PHF11: variants seen among roughly 807,000 people sequenced by gnomAD.
PHF11 encodes the protein PHD finger protein 11, also known as BRCA1 C-terminus-associated protein.
Under a neutral mutation model 40.5 loss-of-function variants are expected in PHF11, and 38 were observed. The observed-to-expected ratio is 0.94, with a 90% confidence interval of 0.72 to 1.23. The LOEUF is 1.23. Ranked by LOEUF, PHF11 falls within the 50% of genes most tolerant of loss-of-function variation. The pLI is 0.00. For missense variants in PHF11, 369 were observed against 392.4 expected (o/e 0.94, Z 0.50); for synonymous variants, 127 against 138.2 (o/e 0.92, Z 0.57).
At chr13:49,516,860 C>T (rs1959162521) in intron 3 of PHF11, among the ~76,000 whole-genome samples, 1 of 152,184 alleles carries the variant, frequency 6.6e-6, no homozygotes, top group Non-Finnish European at 1.5e-5. Context: ...ACTAGGATTA[C>T]AGGCATGGGC....
chr13:49,508,139 A>G (rs974599146), intron 2 of PHF11, among the ~76,000 whole-genome samples: 1 of 142,364 alleles, frequency 7.0e-6, no homozygotes, highest in Non-Finnish European at 1.5e-5. Context: ...AATGGATGGG[A>G]AAAAGATGCA....
chr13:49,504,686 G>A (rs1457776631), intron 1 of PHF11, among the ~76,000 whole-genome samples: 48 of 142,294 alleles, frequency 3.4e-4, no homozygotes, highest in Non-Finnish European at 4.4e-4. Flanking sequence ...GAGCCCCTCT[G>A]CCCGGCCACC....
In PHF11 at chr13:49,526,439, A is replaced by G. The variant is rs1357893729; in HGVS notation, c.822A>G (p.Thr274=). ...ALFDCRLFED[T]FVNFQAAIEK... ...TTGACTGTAGATTGTTCGAAGACAC[A>G]TTTGTAAATTTTCAAGCAGGTATAT... is the stretch of plus-strand genomic sequence containing the variant. Residue 274 remains threonine, a synonymous_variant, in exon 9 of 10, where the codon ACA becomes ACG. Transcript: ENST00000378319. 2 of 1,604,198 alleles carry G rather than the reference A, an allele frequency of 1.2e-6. No homozygotes were observed. Among genetic ancestry groups the G allele is most frequent in the Non-Finnish European group, 1.7e-6 (2 of 1,171,102 alleles).
At chr13:49,501,004 T>TTG (rs796791785) in intron 1 of PHF11, among the ~76,000 whole-genome samples, 2 of 121,470 alleles carry the variant, frequency 1.6e-5, no homozygotes, top group East Asian at 5.1e-4. Flanking sequence ...ACTTTTGTTT[T>TTG]TTTTTTTTTT....
At chr13:49,521,105 T>C (rs770195787) in intron 5 of PHF11, 165 bp downstream of exon 5, 1 of 1,316,010 alleles carries the variant, frequency 7.6e-7, no homozygotes, top group Non-Finnish European at 9.7e-7. Flanking sequence ...CTATGTGATA[T>C]GACTGACTAA....
intron 6 of PHF11, 52 bp from the exon 7 acceptor site, chr13:49,523,123 A>G: frequency 8.2e-7 from 1 of 1,215,878 alleles, no homozygotes; most frequent in Non-Finnish European, 1.2e-6. Context: ...ACTGGTTTTC[A>G]TTTTATGCAA....
chr13:49,520,312 G>T, intron 4 of PHF11, among the ~76,000 whole-genome samples: 1 of 152,186 alleles, frequency 6.6e-6, no homozygotes, highest in Non-Finnish European at 1.5e-5. Flanking sequence ...CTCCCAAAAT[G>T]CTGGGATTAC....
intron 2 of PHF11, among the ~76,000 whole-genome samples, chr13:49,511,823 C>G (rs1223346260): frequency 6.6e-6 from 1 of 152,150 alleles, no homozygotes; most frequent in Non-Finnish European, 1.5e-5. Context: ...TAAAAAGTCT[C>G]TAGATTTACC....
At chr13:49,497,226 C>G (rs1012827085) in intron 1 of PHF11, 1 of 1,281,886 alleles carries the variant, frequency 7.8e-7, no homozygotes, top group East Asian at 5.6e-5. Context: ...AGGTAAGTCA[C>G]GGGAGATGCG....
chr13:49,510,215 G>A (rs1178139586), intron 2 of PHF11, among the ~76,000 whole-genome samples: 2 of 151,990 alleles, frequency 1.3e-5, no homozygotes, highest in Non-Finnish European at 2.9e-5. Context: ...TTGTAGAGAT[G>A]GGGTTTTGCC....
intron 2 of PHF11, among the ~76,000 whole-genome samples, chr13:49,507,899 C>T (rs1959027215): frequency 6.6e-6 from 1 of 152,136 alleles, no homozygotes; most frequent in Non-Finnish European, 1.5e-5. Context: ...AACCAATCCC[C>T]TGCAGACACT....
At chr13:49,496,313 A>C in intron 1 of PHF11, 1 of 864,740 alleles carries the variant, frequency 1.2e-6, no homozygotes, top group Non-Finnish European at 1.5e-6. Context: ...GGCCCAGGCC[A>C]GTTCCACAGG....
chr13:49,521,011 T>G, intron 5 of PHF11, 71 bp downstream of exon 5: 1 of 1,482,302 alleles, frequency 6.7e-7, no homozygotes, highest in Non-Finnish European at 9.1e-7. Flanking sequence ...AGGAATAGTC[T>G]AATTTTCTAG....
chr13:49,496,550 G>A, intron 1 of PHF11: 1 of 655,132 alleles, frequency 1.5e-6, no homozygotes, highest in South Asian at 6.8e-5. Context: ...ACTGGAACCC[G>A]TCTCCCCTTC....
chr13:49,513,125 G>A lies in PHF11; in HGVS notation c.283G>A (p.Val95Met), dbSNP rs771570852. Reference protein sequence around the residue: ...DPLNPDRSFDVESVKKEIQRG... With the variant: ...DPLNPDRSFDMESVKKEIQRG... Reference sequence around the variant, plus strand: ...ACTTAATCCTGATAGAAGTTTTGATGTGGAATCAGTAAAGAAAGAAATCCA... The same window carrying A: ...ACTTAATCCTGATAGAAGTTTTGATATGGAATCAGTAAAGAAAGAAATCCA... Residue 95 changes from valine (V) to methionine (M), a missense_variant, in exon 3 of 10, where the codon GTG (valine) becomes ATG (methionine). Coordinates refer to ENST00000378319, the MANE Select transcript of PHF11 (RefSeq NM_001040443.3). 3.8e-6 allele frequency: 6 copies of A among 1,595,344 alleles called. No homozygotes were observed. The highest frequency in any genetic ancestry group is 3.3e-5 in the South Asian group (3 of 90,674).
intron 6 of PHF11, among the ~76,000 whole-genome samples, chr13:49,522,634 T>C (rs1028409756): frequency 6.6e-6 from 1 of 152,152 alleles, no homozygotes; most frequent in African/African-American, 2.4e-5. Flanking sequence ...ATAAGCTAAA[T>C]TCATATGCGC....
intron 9 of PHF11, among the ~76,000 whole-genome samples, chr13:49,527,618 T>A (rs1959362968): frequency 6.6e-6 from 1 of 152,218 alleles, no homozygotes; most frequent in South Asian, 2.1e-4. Flanking sequence ...TGCTAATATA[T>A]AGCAGTATCC....
At chr13:49,503,984 G>A (rs1302157336) in intron 1 of PHF11, among the ~76,000 whole-genome samples, 16 of 152,026 alleles carry the variant, frequency 1.1e-4, no homozygotes, top group African/African-American at 3.4e-4. Flanking sequence ...TCAGCCTCCC[G>A]AAGTTCTGGG....
Position 49,520,923 on chromosome 13 carries a change from C to T in PHF11, c.488C>T (p.Pro163Leu), listed in dbSNP as rs796883405. 8 of 1,581,834 alleles carry T rather than the reference C, an allele frequency of 5.1e-6. No homozygotes were observed. The highest frequency in any genetic ancestry group is 1.2e-5 in the South Asian group (1 of 86,666). The change falls in exon 5 of 10, where the codon CCG becomes CTG. Residue 163 changes from proline (P) to leucine (L), a missense_variant. By Grantham distance (98) the Pro-to-Leu change is moderately conservative. Coordinates refer to ENST00000378319, the MANE Select transcript of PHF11 (RefSeq NM_001040443.3). ...CTTTGCCAGCAACATGCTCAATTCC[C>T]GATCATCGCTCAAAGTGGTAAGTTT... ...KLLCQQHAQF[P>L]IIAQSAKFSG...
Sources: gnomAD v4.1 joint callset for allele counts (sites outside exome capture counted in the v4.1 genomes callset) on GRCh38, gnomAD v4.1.1 for gene constraint, MANE v1.5 for transcripts, NCBI Gene and HGNC (gene_info 2026-07-23, HGNC 2026-07-21) for gene names.